ODAD2: variants seen among roughly 807,000 people sequenced by gnomAD.
ODAD2 encodes outer dynein arm docking complex subunit 2, also known as outer dynein arm-docking complex subunit 2.
ODAD2 carries 89 observed loss-of-function variants against 106.8 expected under a neutral mutation model. That is an observed-to-expected ratio of 0.83 (90% CI 0.70 to 0.99). ODAD2 has a LOEUF of 0.99. Among genes scored for constraint, ODAD2 ranks in the 50% least tolerant of loss-of-function variants. ODAD2 has a pLI of 0.00. For synonymous variants in ODAD2, 404 were observed against 436.2 expected (o/e 0.93, Z 0.92); for missense variants, 1,168 against 1,238.5 (o/e 0.94, Z 0.85).
intron 11 of ODAD2, 24 bp downstream of exon 11, chr10:27,944,792 A>C: frequency 6.2e-7 from 1 of 1,614,004 alleles, no homozygotes; most frequent in Non-Finnish European, 8.5e-7. Flanking sequence ...AAGACTCCGC[A>C]TCCAAGGTGA....
rs1444208303 is a variant in ODAD2 at position 27,940,643 on chromosome 10, G to A, written c.1906C>T (p.Leu636=). ...GAAGTCTTCAGCAGCCGAGCCAACA[G>A]AGGAATGCCCCCAGCTTTGCGGATG... ...EAIRKAGGIP[L]LARLLKTSHE... The change falls in exon 13 of 20, where the codon CTG becomes TTG. Residue 636 remains leucine, a synonymous_variant. Coordinates refer to ENST00000305242, the MANE Select transcript of ODAD2 (RefSeq NM_018076.5). 5.0e-6 allele frequency: 8 copies of A among 1,614,028 alleles called. No individual in the cohort carries two copies. The highest frequency in any genetic ancestry group is 6.8e-6 in the Non-Finnish European group (8 of 1,180,006).
At chr10:27,897,752 T>C (rs912451597) in intron 17 of ODAD2, among the ~76,000 whole-genome samples, 2 of 152,150 alleles carry the variant, frequency 1.3e-5, no homozygotes, top group Non-Finnish European at 2.9e-5. Flanking sequence ...AGCAGAGATC[T>C]TTTTCAGGAG....
At chr10:27,917,164 T>A (rs1206940538) in intron 16 of ODAD2, among the ~76,000 whole-genome samples, 1 of 152,136 alleles carries the variant, frequency 6.6e-6, no homozygotes, top group Non-Finnish European at 1.5e-5. Context: ...ATGAAAGAAC[T>A]GAAATCACAT....
chr10:27,930,912 C>A (rs187852092), intron 16 of ODAD2, among the ~76,000 whole-genome samples: 5 of 152,192 alleles, frequency 3.3e-5, no homozygotes, highest in Admixed American at 2.6e-4. Flanking sequence ...GTGTTACAAT[C>A]TGGCAATCAT....
chr10:27,824,363 G>T (rs1054378502), intron 19 of ODAD2, among the ~76,000 whole-genome samples: 1 of 152,044 alleles, frequency 6.6e-6, no homozygotes. Flanking sequence ...CCTTATGAAC[G>T]GATTAATGCT....
Position 27,860,848 on chromosome 10 carries a change from T to C in ODAD2, c.2800-2A>G, listed in dbSNP as rs1297261096. The C allele has an allele frequency of 2.5e-6, 4 of 1,613,160 alleles. No homozygotes were observed. Among genetic ancestry groups the C allele is most frequent in the Non-Finnish European group, 3.4e-6 (4 of 1,179,074 alleles). On this transcript the variant is annotated splice_acceptor_variant, in intron 18 of 19. Transcript: ENST00000305242. LOFTEE classifies it high-confidence loss of function. The stretch of plus-strand genomic sequence containing the variant: ...ATGATGTCTCAATTTATTGTTATTC[T>C]GTGCAAGGGAAAATGAAATGGGATC...
At chr10:27,923,958 GA>G (rs1324805096) in intron 16 of ODAD2, among the ~76,000 whole-genome samples, 2 of 83,776 alleles carry the variant, frequency 2.4e-5, no homozygotes, top group African/African-American at 5.6e-5. Flanking sequence ...AAGAAAGAAA[GA>G]AAGAAAGAAA....
At chr10:27,887,153 A>C (rs1842278398) in intron 17 of ODAD2, among the ~76,000 whole-genome samples, 1 of 152,012 alleles carries the variant, frequency 6.6e-6, no homozygotes, top group African/African-American at 2.4e-5. Context: ...ATAGGTTGAA[A>C]GTCAAACGTT....
intron 11 of ODAD2, 22 bp from the exon 12 acceptor site, chr10:27,944,453 G>A (rs750972953): frequency 1.3e-6 from 2 of 1,589,930 alleles, no homozygotes; most frequent in Non-Finnish European, 1.7e-6. Flanking sequence ...AAAAAAAGAT[G>A]AGTGGCGAAT....
intron 16 of ODAD2, among the ~76,000 whole-genome samples, chr10:27,922,026 G>A (rs1844825796): frequency 6.6e-6 from 1 of 151,188 alleles, no homozygotes; most frequent in Admixed American, 6.6e-5. Flanking sequence ...AATTAGCCGG[G>A]CATGGTGGGA....
At position 27,955,648 on chromosome 10, in the gene ODAD2, C is replaced by T. The variant is rs536599932; in HGVS notation, c.1386+5920G>A. On this transcript the variant is annotated intron_variant, in intron 10 of 19. Coordinates refer to ENST00000305242, the MANE Select transcript of ODAD2 (RefSeq NM_018076.5). ...GTACATCAAATTCCTACAACAAAAA[C>T]TCATACAACTTCCAATTACCACTCG... is the stretch of plus-strand genomic sequence containing the variant. Among the ~76,000 whole-genome samples, 8 of 151,944 alleles carry T rather than the reference C, an allele frequency of 5.3e-5. No homozygotes were observed. In the East Asian group the frequency reaches 1.4e-3, roughly 26 times the overall value.
chr10:27,844,879 A>T (rs1255456356), intron 19 of ODAD2, among the ~76,000 whole-genome samples: 1 of 152,168 alleles, frequency 6.6e-6, no homozygotes, highest in East Asian at 1.9e-4. Flanking sequence ...AAGGAGTTGG[A>T]TTTGACTTAG....
intron 19 of ODAD2, 45 bp from the exon 20 acceptor site, chr10:27,812,670 A>G (rs1209285155): frequency 6.5e-7 from 1 of 1,531,488 alleles, no homozygotes; most frequent in Non-Finnish European, 8.7e-7. Flanking sequence ...GAATAAAAAC[A>G]TTAATCTAAA....
At chr10:27,871,420 A>G (rs1840876520) in intron 17 of ODAD2, among the ~76,000 whole-genome samples, 3 of 152,178 alleles carry the variant, frequency 2.0e-5, no homozygotes, top group Admixed American at 2.0e-4. Context: ...TTAGACATGA[A>G]GTCCTTGCCC....
Position 27,869,533 on chromosome 10 carries a change from T to A in ODAD2, c.2611-6911A>T, listed in dbSNP as rs60839420. On this transcript the variant is annotated intron_variant, in intron 17 of 19. Coordinates refer to ENST00000305242, the MANE Select transcript of ODAD2 (RefSeq NM_018076.5). ...GACTAAGTCACTTTTTTTTCTTTTT[T>A]CTTTTTCTTTTTTTTTTTTGAGATG... 8.1e-3 allele frequency among the ~76,000 whole-genome samples: 956 copies of A among 118,652 alleles called. 9 individuals are homozygous for A. The highest frequency in any genetic ancestry group is 0.022 in the South Asian group (75 of 3,372). 77.8% of individuals were successfully genotyped at this position (118,652 alleles called of 152,430 possible).
intron 19 of ODAD2, among the ~76,000 whole-genome samples, chr10:27,855,818 C>T (rs985322785): frequency 6.6e-6 from 1 of 152,174 alleles, no homozygotes; most frequent in Non-Finnish European, 1.5e-5. Flanking sequence ...GCTGGACATA[C>T]TTCTGATTGT....
rs1436260781 is a variant in ODAD2 at position 27,935,201 on chromosome 10, C to G, written c.2304G>C (p.Gln768His). The change falls in exon 16 of 20, where the codon CAG (glutamine) becomes CAC (histidine). Residue 768 changes from glutamine to histidine, a missense_variant. By Grantham distance (24) the Gln-to-His change is conservative. Transcript: ENST00000305242. Reference sequence around the variant, plus strand: ...CCACATTCACAAGTACTTCTTCAGGCTGATCTGTTAGAAGTCCCACCAAGG... The same window carrying G: ...CCACATTCACAAGTACTTCTTCAGGGTGATCTGTTAGAAGTCCCACCAAGG... ...IETLVGLLTDQPEEVLVNVVG... is the reference protein window; with the variant it reads ...IETLVGLLTDHPEEVLVNVVG... 6.2e-7 allele frequency: 1 copy of G among 1,613,986 alleles called. No homozygotes were observed. The highest frequency in any genetic ancestry group is 1.7e-5 in the Admixed American group (1 of 59,998).
At chr10:27,875,661 C>T (rs1841280768) in intron 17 of ODAD2, among the ~76,000 whole-genome samples, 1 of 152,124 alleles carries the variant, frequency 6.6e-6, no homozygotes, top group African/African-American at 2.4e-5. Flanking sequence ...AACTGAGGTA[C>T]CAGGTTCATC....
intron 2 of ODAD2, among the ~76,000 whole-genome samples, chr10:27,991,286 G>C (rs1850222506): frequency 6.6e-6 from 1 of 151,042 alleles, no homozygotes; most frequent in Non-Finnish European, 1.5e-5. Flanking sequence ...AACGTGGAAA[G>C]ATGATGACAA....
Sources: allele counts gnomAD v4.1 joint callset (sites outside exome capture counted in the v4.1 genomes callset), GRCh38; gene constraint gnomAD v4.1.1; transcripts MANE v1.5; gene names NCBI Gene and HGNC (gene_info 2026-07-23, HGNC 2026-07-21).